Variants in ADAMTS2 observed in about 807,000 individuals in gnomAD.
The protein encoded by ADAMTS2 is A disintegrin and metalloproteinase with thrombospondin motifs 2.
A neutral mutation model predicts 123.0 loss-of-function variants in ADAMTS2; 50 were observed. The ratio of observed to expected loss-of-function variants is 0.41; its 90% CI spans 0.32 to 0.51. The LOEUF is 0.51. ADAMTS2 is among the 20% of genes least tolerant of loss of function. The pLI is 0.35. For missense variants in ADAMTS2, 1,494 were observed against 1,705.2 expected, an observed-to-expected ratio of 0.88 and a Z score of 2.18; for synonymous variants, 678 against 695.4, an observed-to-expected ratio of 0.98 and a Z score of 0.39.
intron 3 of ADAMTS2, among the ~76,000 whole-genome samples, chr5:179,259,887 G>A (rs1052266031): frequency 2.0e-5 from 3 of 152,238 alleles, no homozygotes; most frequent in African/African-American, 7.2e-5. Flanking sequence ...CCACAGGGAG[G>A]AAGCAGAGTC....
Position 179,152,294 on chromosome 5 carries a change from C to T in ADAMTS2, c.1516-39G>A, listed in dbSNP as rs763314541. ...CCATAGCTTGCCAGGTCCCTCCCACCTCAGGGACCTCCCAGGGATGCCACC... is the reference window on the plus strand; with the variant it reads ...CCATAGCTTGCCAGGTCCCTCCCACTTCAGGGACCTCCCAGGGATGCCACC... On this transcript the variant is annotated intron_variant, in intron 9 of 21. Transcript: ENST00000251582. 4.4e-6 allele frequency: 7 copies of T among 1,587,480 alleles called. No homozygotes were observed. The South Asian group carries it at 6.7e-5, about 15-fold the overall frequency.
intron 10 of ADAMTS2, 41 bp from the exon 11 acceptor site, chr5:179,140,076 C>T (rs368915462): frequency 1.3e-5 from 21 of 1,612,878 alleles, no homozygotes; most frequent in South Asian, 6.6e-5. Context: ...ACCCTCACAC[C>T]GGGCCGTGGG....
At chr5:179,278,207 G>A (rs2052778344) in intron 2 of ADAMTS2, among the ~76,000 whole-genome samples, 1 of 143,588 alleles carries the variant, frequency 7.0e-6, no homozygotes, top group African/African-American at 2.6e-5. Flanking sequence ...ACCATCAGCT[G>A]ACGTCCTGCC....
chr5:179,159,589 C>T (rs1460564461), intron 5 of ADAMTS2, among the ~76,000 whole-genome samples: 2 of 152,212 alleles, frequency 1.3e-5, no homozygotes, highest in African/African-American at 4.8e-5. Context: ...CCATCCCATT[C>T]CATTTTGTAT....
intron 3 of ADAMTS2, among the ~76,000 whole-genome samples, chr5:179,214,352 T>G (rs1248336562): frequency 6.6e-6 from 1 of 152,138 alleles, no homozygotes; most frequent in Non-Finnish European, 1.5e-5. Context: ...ACATCTGAAA[T>G]TAAAAGCACC....
At chr5:179,183,765 G>C (rs1455789946) in intron 4 of ADAMTS2, among the ~76,000 whole-genome samples, 1 of 152,230 alleles carries the variant, frequency 6.6e-6, no homozygotes, top group Non-Finnish European at 1.5e-5. Context: ...GGCTACTGCA[G>C]AGGGGACTCA....
At chr5:179,336,307 G>A (rs1275180568) in intron 2 of ADAMTS2, among the ~76,000 whole-genome samples, 1 of 152,260 alleles carries the variant, frequency 6.6e-6, no homozygotes, top group Non-Finnish European at 1.5e-5. Context: ...AAAGGCGCAT[G>A]TAGCTTTGCA....
intron 7 of ADAMTS2, 146 bp from the exon 8 acceptor site, chr5:179,154,338 T>C (rs2113253204): frequency 8.4e-7 from 1 of 1,186,598 alleles, no homozygotes; most frequent in Non-Finnish European, 1.2e-6. Context: ...ACCGACCATC[T>C]ACCTGCTGCA....
intron 2 of ADAMTS2, among the ~76,000 whole-genome samples, chr5:179,289,754 A>T (rs1484994698): frequency 6.6e-6 from 1 of 152,218 alleles, no homozygotes; most frequent in Non-Finnish European, 1.5e-5. Context: ...AGACAACTGG[A>T]CATCCCAATG....
chr5:179,338,623 G>T (rs574590884), intron 2 of ADAMTS2, among the ~76,000 whole-genome samples: 1 of 152,338 alleles, frequency 6.6e-6, no homozygotes, highest in African/African-American at 2.4e-5. Flanking sequence ...GGCGACTCAG[G>T]CCGGAGCTGG....
chr5:179,202,441 C>T lies in ADAMTS2; in HGVS notation c.891+5072G>A, dbSNP rs2113363177. ...TCCCCTACCCTTCTTCCTTCTCCAT[C>T]TCCTAACTATTTTATTTCTTTCATT... is the stretch of plus-strand genomic sequence containing the variant. On this transcript the variant is annotated intron_variant, in intron 4 of 21. Coordinates refer to ENST00000251582, the MANE Select transcript of ADAMTS2 (RefSeq NM_014244.5). The surrounding 1 kb of genome is among the most constrained non-coding windows in gnomAD (Gnocchi z 4.0). Among the ~76,000 whole-genome samples the T allele has an allele frequency of 6.6e-6, 1 of 152,304 alleles. No individual in the cohort carries two copies. Among genetic ancestry groups the T allele is most frequent in the South Asian group, 2.1e-4 (1 of 4,832 alleles).
rs919933243 is a variant in ADAMTS2 at position 179,136,606 on chromosome 5, A to G, written c.1952-564T>C. Reference sequence around the variant, plus strand: ...CTTGAACCCAGGAGGCCGAGCTTGCAGTGAGCCAAGACTGCGCCACTGCAC... The same window carrying G: ...CTTGAACCCAGGAGGCCGAGCTTGCGGTGAGCCAAGACTGCGCCACTGCAC... On this transcript the variant is annotated intron_variant, in intron 12 of 21. Transcript: ENST00000251582. 2.7e-5 allele frequency among the ~76,000 whole-genome samples: 4 copies of G among 149,700 alleles called. No homozygotes were observed. The East Asian group carries it at 8.0e-4, about 30-fold the overall frequency.
intron 2 of ADAMTS2, among the ~76,000 whole-genome samples, chr5:179,325,262 G>A (rs1757281946): frequency 6.6e-6 from 1 of 152,164 alleles, no homozygotes; most frequent in African/African-American, 2.4e-5. Context: ...GCTGGTTCTG[G>A]GGGCCTGTGC....
intron 3 of ADAMTS2, among the ~76,000 whole-genome samples, chr5:179,231,877 T>G (rs1174568953): frequency 6.9e-6 from 1 of 145,822 alleles, no homozygotes; most frequent in Non-Finnish European, 1.5e-5. Flanking sequence ...ATTGTGCCAC[T>G]GCACTCCAGC....
chr5:179,157,000 G>T (rs1357698602), intron 6 of ADAMTS2, among the ~76,000 whole-genome samples: 4 of 115,062 alleles, frequency 3.5e-5, no homozygotes, highest in Admixed American at 1.2e-4. Context: ...GTCTTGCTCT[G>T]TTGCCCAGGC....
chr5:179,132,351 A>G lies in ADAMTS2; in HGVS notation c.2210-41T>C. 5.0e-6 allele frequency: 8 copies of G among 1,594,640 alleles called. No individual in the cohort carries two copies. Among genetic ancestry groups the G allele is most frequent in the African/African-American group, 1.3e-5 (1 of 74,678 alleles). On this transcript the variant is annotated intron_variant, in intron 14 of 21. Transcript: ENST00000251582. This position sits in a 1 kb window ranked among gnomAD's most constrained non-coding sequence, Gnocchi z 6.1. ...AAAGACACAGAAAACTGAGAAGGGA[A>G]GGCGCCGCTCAAATTCGCACCATGC...
intron 3 of ADAMTS2, among the ~76,000 whole-genome samples, chr5:179,251,821 G>A (rs1308060388): frequency 1.3e-5 from 2 of 152,004 alleles, no homozygotes; most frequent in East Asian, 1.9e-4. Flanking sequence ...GAGGAAAGAC[G>A]TGCACAGGCC....
chr5:179,321,555 T>C (rs1294522303), intron 2 of ADAMTS2, among the ~76,000 whole-genome samples: 2 of 152,110 alleles, frequency 1.3e-5, no homozygotes, highest in East Asian at 1.9e-4. Flanking sequence ...CTCCACTGCC[T>C]CCTCCACTTG....
intron 10 of ADAMTS2, among the ~76,000 whole-genome samples, chr5:179,147,050 T>C (rs1363641930): frequency 6.6e-6 from 1 of 152,186 alleles, no homozygotes; most frequent in East Asian, 1.9e-4. Flanking sequence ...TTGTCATCCA[T>C]ATGTTGTGAG....
Sources: allele counts gnomAD v4.1 joint callset (sites outside exome capture counted in the v4.1 genomes callset), GRCh38; gene constraint gnomAD v4.1.1; non-coding constraint Gnocchi (gnomAD v3.1); transcripts MANE v1.5; gene names NCBI Gene and HGNC (gene_info 2026-07-23, HGNC 2026-07-21).